BTG4: variants seen among roughly 807,000 people sequenced by gnomAD.
BTG4 encodes BTG anti-proliferation factor 4, also known as protein BTG4.
Under a neutral mutation model 19.3 loss-of-function variants are expected in BTG4, and 10 were observed. The ratio of observed to expected loss-of-function variants is 0.52; its 90% CI spans 0.32 to 0.88. The LOEUF is 0.88. BTG4 is among the 40% of genes least tolerant of loss of function. The pLI is 0.04. For synonymous variants in BTG4, 91 were observed against 95.7 expected (o/e 0.95, Z 0.29); for missense variants, 238 against 281.9 (o/e 0.84, Z 1.11).
At chr11:111,489,738 G>A (rs1321025947) in intron 5 of BTG4, among the ~76,000 whole-genome samples, 2 of 151,956 alleles carry the variant, frequency 1.3e-5, no homozygotes, top group Non-Finnish European at 2.9e-5. Flanking sequence ...AGTGAAATAA[G>A]CCAGGCACAG....
chr11:111,481,924 T>A (rs1864765390), intron 5 of BTG4, among the ~76,000 whole-genome samples: 1 of 151,852 alleles, frequency 6.6e-6, no homozygotes. Context: ...GTCAAGGATA[T>A]CTGTTCTTAG....
chr11:111,452,092 A>G, the BTG4 span, among the ~76,000 whole-genome samples: 1 of 152,170 alleles, frequency 6.6e-6, no homozygotes, highest in African/African-American at 2.4e-5. Flanking sequence ...TGCACATTGC[A>G]CCACCACACT....
intron 1 of BTG4, among the ~76,000 whole-genome samples, chr11:111,509,181 G>A (rs1225439303): frequency 6.6e-6 from 1 of 152,078 alleles, no homozygotes; most frequent in African/African-American, 2.4e-5. Context: ...AAAAACCGCT[G>A]GCAGTTCATT....
chr11:111,456,877 T>C, the BTG4 span: 1 of 183,282 alleles, frequency 5.5e-6, no homozygotes, highest in African/African-American at 2.3e-5. The surrounding 1 kb of genome is among the most constrained non-coding windows in gnomAD (Gnocchi z 4.2). Context: ...ACAGTGGGGC[T>C]TGGTGACCAG....
chr11:111,420,229 T>C, the BTG4 span, among the ~76,000 whole-genome samples: 1 of 152,220 alleles, frequency 6.6e-6, no homozygotes, highest in African/African-American at 2.4e-5. Context: ...GTCCAGGAGA[T>C]ATTAAAGTTT....
downstream of BTG4, among the ~76,000 whole-genome samples, chr11:111,491,603 C>G (rs546695269): frequency 1.3e-5 from 2 of 151,650 alleles, no homozygotes; most frequent in South Asian, 4.2e-4. Flanking sequence ...CAAAAATTAG[C>G]CAGGTGCCTG....
chr11:111,500,356 G>A (rs1352855560), intron 1 of BTG4, among the ~76,000 whole-genome samples: 1 of 152,134 alleles, frequency 6.6e-6, no homozygotes, highest in African/African-American at 2.4e-5. Flanking sequence ...CTTCATTAGT[G>A]AAAAGGAATT....
chr11:111,479,869 T>C (rs1864625642), intron 5 of BTG4, among the ~76,000 whole-genome samples: 1 of 151,840 alleles, frequency 6.6e-6, no homozygotes, highest in East Asian at 1.9e-4. Context: ...TCAAAAACAC[T>C]AAAGATATGC....
intron 5 of BTG4, among the ~76,000 whole-genome samples, chr11:111,480,188 G>A (rs866075286): frequency 2.6e-5 from 4 of 152,002 alleles, no homozygotes; most frequent in South Asian, 2.1e-4. Context: ...AAGCAGGAAT[G>A]GCTATATTAA....
chr11:111,458,406 A>G, the BTG4 span, among the ~76,000 whole-genome samples: 1 of 152,286 alleles, frequency 6.6e-6, no homozygotes, highest in Admixed American at 6.5e-5. Flanking sequence ...CGACCCCATG[A>G]GTGCTTGACT....
At chr11:111,508,280 A>T (rs927801332) in intron 1 of BTG4, among the ~76,000 whole-genome samples, 25 of 151,768 alleles carry the variant, frequency 1.6e-4, no homozygotes, top group African/African-American at 4.8e-4. Flanking sequence ...CTTCTAATCT[A>T]TGCTACTTTA....
chr11:111,404,593 G>T, the BTG4 span: 1 of 456,130 alleles, frequency 2.2e-6, no homozygotes, highest in South Asian at 1.5e-5. Context: ...TACTCAAAGG[G>T]TAACAGACCC....
upstream of BTG4, chr11:111,512,461 G>T (rs1250247848): frequency 6.7e-6 from 1 of 150,274 alleles, no homozygotes; most frequent in East Asian, 2.0e-4. Flanking sequence ...TTCCAAGGAC[G>T]GTTGGTCGCC....
At chr11:111,433,408 A>G in the BTG4 span, among the ~76,000 whole-genome samples, 6 of 152,230 alleles carry the variant, frequency 3.9e-5, no homozygotes, top group Admixed American at 3.9e-4. Context: ...TTAACTCAAG[A>G]TGGATTAAAG....
chr11:111,429,134 C>A, the BTG4 span, among the ~76,000 whole-genome samples: 1 of 152,124 alleles, frequency 6.6e-6, no homozygotes, highest in Non-Finnish European at 1.5e-5. Context: ...GTTGTGCAAC[C>A]ATCACCACTA....
chr11:111,478,927 G>C (rs1864562357), intron 5 of BTG4, among the ~76,000 whole-genome samples: 1 of 151,108 alleles, frequency 6.6e-6, no homozygotes, highest in South Asian at 2.1e-4. Flanking sequence ...AAAGAGAAAA[G>C]AAAGGGGTAG....
intron 5 of BTG4, among the ~76,000 whole-genome samples, chr11:111,489,427 G>A (rs1002792805): frequency 2.2e-4 from 33 of 152,078 alleles, no homozygotes; most frequent in South Asian, 4.1e-4. Flanking sequence ...CAATCCCACC[G>A]CTAGATACAT....
At chr11:111,479,342 A>G (rs1864591893) in intron 5 of BTG4, among the ~76,000 whole-genome samples, 1 of 152,024 alleles carries the variant, frequency 6.6e-6, no homozygotes, top group South Asian at 2.1e-4. Context: ...GGGTGCAGTG[A>G]CTCATGCCTG....
At chr11:111,411,412 C>T in the BTG4 span, among the ~76,000 whole-genome samples, 11 of 152,308 alleles carry the variant, frequency 7.2e-5, no homozygotes, top group African/African-American at 2.2e-4. Flanking sequence ...ACCTGGCATG[C>T]TCCTCCTTTC....
Sources: allele counts gnomAD v4.1 joint callset (sites outside exome capture counted in the v4.1 genomes callset), GRCh38; gene constraint gnomAD v4.1.1; non-coding constraint Gnocchi (gnomAD v3.1); transcripts MANE v1.5; gene names NCBI Gene and HGNC (gene_info 2026-07-23, HGNC 2026-07-21).